ITSN2: variants seen among roughly 807,000 people sequenced by gnomAD.
ITSN2 encodes intersectin-2.
Under a neutral mutation model 243.7 loss-of-function variants are expected in ITSN2, and 156 were observed. The ratio of observed to expected loss-of-function variants is 0.64; its 90% CI spans 0.56 to 0.73. The LOEUF (loss-of-function observed/expected upper bound fraction) is 0.73. ITSN2 is among the 30% of genes least tolerant of loss of function. The pLI is 0.00. For missense variants in ITSN2, 1,801 were observed against 1,996.1 expected (o/e 0.90, Z 1.86); for synonymous variants, 703 against 699.9 (o/e 1.00, Z -0.07).
chr2:24,343,272 C>G (rs1434834707), intron 1 of ITSN2, among the ~76,000 whole-genome samples: 1 of 151,900 alleles, frequency 6.6e-6, no homozygotes, highest in African/African-American at 2.4e-5. Context: ...AGTCCATTAC[C>G]AAGAAAACAA....
intron 15 of ITSN2, among the ~76,000 whole-genome samples, chr2:24,290,872 T>C (rs1353253195): frequency 6.6e-6 from 1 of 152,144 alleles, no homozygotes; most frequent in African/African-American, 2.4e-5. Context: ...AACTTTCATA[T>C]CTTATGTTTC....
intron 23 of ITSN2, among the ~76,000 whole-genome samples, chr2:24,256,053 CAAAAACAAAA>C (rs969720369): frequency 2.0e-5 from 3 of 149,958 alleles, no homozygotes; most frequent in Admixed American, 1.3e-4. Context: ...AATTCCATCT[CAAAAACAAAA>C]AAAAACAAAA....
At chr2:24,254,214 T>C (rs561677055) in intron 24 of ITSN2, among the ~76,000 whole-genome samples, 153 bp downstream of exon 24, 106 of 152,294 alleles carry the variant, frequency 7.0e-4, no homozygotes, top group African/African-American at 2.4e-3. Context: ...GTGAAATAGA[T>C]AGGGGCAGGT....
At position 24,205,217 on chromosome 2, in the gene ITSN2, T is replaced by C; in HGVS notation, c.4759A>G (p.Asn1587Asp). The change falls in exon 38 of 40, where the codon AAT (asparagine) becomes GAT (aspartate). Residue 1587 changes from asparagine (N) to aspartate (D), a missense_variant. Asn to Asp is a conservative substitution (Grantham distance 23). Around this residue, in one of 5 missense-constraint regions of ITSN2, gnomAD observed 928 missense variants for 1,065.4 expected, o/e 0.87. Coordinates refer to ENST00000355123, the MANE Select transcript of ITSN2 (RefSeq NM_006277.3). ...AATGAATCAAGGCAGTATTTACCATTTGGTTTGCAGGCTTTTAATTCTGTA... is the reference window on the plus strand; with the variant it reads ...AATGAATCAAGGCAGTATTTACCATCTGGTTTGCAGGCTTTTAATTCTGTA... ...EATELKACKP[N>D]GKSNPYCEIS... 6.2e-7 allele frequency: 1 copy of C among 1,613,434 alleles called. No homozygotes were observed. The highest frequency in any genetic ancestry group is 8.5e-7 in the Non-Finnish European group (1 of 1,179,440).
chr2:24,212,640 G>A lies in ITSN2; in HGVS notation c.4089+10C>T. 1.3e-6 allele frequency: 2 copies of A among 1,597,544 alleles called. No homozygotes were observed. The highest frequency in any genetic ancestry group is 1.7e-6 in the Non-Finnish European group (2 of 1,170,744). On this transcript the variant is annotated intron_variant, in intron 33 of 39. Transcript: ENST00000355123. ...TAACTCAGACCCCACTGCCCGGCCT[G>A]CACACTCACACTTCTGATGAGCAGT...
chr2:24,245,400 GAGA>G (rs1673223141), intron 29 of ITSN2, among the ~76,000 whole-genome samples: 1 of 152,004 alleles, frequency 6.6e-6, no homozygotes, highest in Non-Finnish European at 1.5e-5. Flanking sequence ...AGAAATAAAT[GAGA>G]AGGTTAGAAA....
At chr2:24,331,970 G>A (rs745789291) in intron 1 of ITSN2, among the ~76,000 whole-genome samples, 1 of 152,168 alleles carries the variant, frequency 6.6e-6, no homozygotes, top group Non-Finnish European at 1.5e-5. Flanking sequence ...GTGGCCAGGC[G>A]CAGTGGTTCA....
At chr2:24,277,430 A>G (rs138267445) in intron 17 of ITSN2, among the ~76,000 whole-genome samples, 41 of 152,352 alleles carry the variant, frequency 2.7e-4, no homozygotes, top group African/African-American at 9.1e-4. Context: ...ACTATGTCCA[A>G]CATGTCTGAG....
chr2:24,274,849 TTC>T (rs1677824573), intron 18 of ITSN2, among the ~76,000 whole-genome samples: 3 of 152,158 alleles, frequency 2.0e-5, no homozygotes, highest in Non-Finnish European at 4.4e-5. Context: ...AAAATACTGG[TTC>T]ATCCATATTT....
intron 1 of ITSN2, among the ~76,000 whole-genome samples, chr2:24,355,695 C>T (rs998201761): frequency 6.6e-6 from 1 of 152,164 alleles, no homozygotes; most frequent in African/African-American, 2.4e-5. Flanking sequence ...GACAAAAATG[C>T]CAAAAGCAAT....
At chr2:24,251,328 A>AAAAAAAAAAAAAAAAAAAT (rs1358585681) in intron 25 of ITSN2, among the ~76,000 whole-genome samples, 1 of 6,990 alleles carries the variant, frequency 1.4e-4, no homozygotes, top group Admixed American at 1.9e-3. Flanking sequence ...AAAAAAATAA[A>AAAAAAAAAAAAAAAAAAAT]ATATATATAT....
intron 20 of ITSN2, among the ~76,000 whole-genome samples, chr2:24,264,252 A>G (rs1373576121): frequency 6.6e-6 from 1 of 151,974 alleles, no homozygotes; most frequent in Non-Finnish European, 1.5e-5. Context: ...TTAGCCAGGC[A>G]TGGTGGCACA....
At chr2:24,226,547 T>C (rs1173561804) in intron 29 of ITSN2, among the ~76,000 whole-genome samples, 1 of 152,216 alleles carries the variant, frequency 6.6e-6, no homozygotes, top group African/African-American at 2.4e-5. Flanking sequence ...TCCAAGCACT[T>C]TGGGAGGCCG....
chr2:24,257,358 T>C (rs984088454), intron 23 of ITSN2, among the ~76,000 whole-genome samples: 4 of 152,118 alleles, frequency 2.6e-5, no homozygotes, highest in Admixed American at 2.6e-4. Flanking sequence ...TTTGAGTAGC[T>C]TGAAAATTTT....
intron 8 of ITSN2, among the ~76,000 whole-genome samples, chr2:24,307,093 C>T (rs545338112): frequency 6.6e-6 from 1 of 152,176 alleles, no homozygotes; most frequent in South Asian, 2.1e-4. Flanking sequence ...CGTGAGCCAC[C>T]GCACCTGGCC....
At chr2:24,264,848 A>G (rs763029406) in intron 20 of ITSN2, among the ~76,000 whole-genome samples, 1 of 75,424 alleles carries the variant, frequency 1.3e-5, no homozygotes, top group African/African-American at 5.0e-5. Flanking sequence ...TTCAGGTACT[A>G]AAAGATTTCC....
At chr2:24,251,220 G>C (rs1674061302) in intron 25 of ITSN2, among the ~76,000 whole-genome samples, 1 of 146,782 alleles carries the variant, frequency 6.8e-6, no homozygotes, top group Non-Finnish European at 1.5e-5. Context: ...AGCTATTCAA[G>C]GGGCTAAGGC....
In ITSN2 at chr2:24,310,601, G is replaced by T. The variant is rs748758417; in HGVS notation, c.444C>A (p.Asn148Lys). ...TSLSSATSGT[N>K]LPPLMMPTPL... ...GAGTGGGCATCATTAAGGGAGGAAG[G>T]TTGGTCCCTGAAGTCGCAGAAGACA... The change falls in exon 6 of 40, where the codon AAC (asparagine) becomes AAA (lysine). Residue 148 changes from asparagine to lysine, a missense_variant. Physicochemically the swap from Asn to Lys is moderately conservative, Grantham distance 94. Coordinates refer to ENST00000355123, the MANE Select transcript of ITSN2 (RefSeq NM_006277.3). The T allele has an allele frequency of 4.3e-6, 7 of 1,613,996 alleles. No individual in the cohort carries two copies. Among genetic ancestry groups the T allele is most frequent in the Non-Finnish European group, 4.2e-6 (5 of 1,179,990 alleles).
intron 29 of ITSN2, among the ~76,000 whole-genome samples, chr2:24,234,478 T>C (rs896341792): frequency 1.3e-5 from 2 of 152,182 alleles, no homozygotes; most frequent in African/African-American, 4.8e-5. Flanking sequence ...ACACAATCCA[T>C]GAAAGAAAGA....
Sources: gnomAD v4.1 joint callset for allele counts (sites outside exome capture counted in the v4.1 genomes callset) on GRCh38, gnomAD v4.1.1 for gene constraint, gnomAD v4.1.1 regional missense constraint, MANE v1.5 for transcripts, NCBI Gene and HGNC (gene_info 2026-07-23, HGNC 2026-07-21) for gene names.